HSD17B12: variants seen among roughly 807,000 people sequenced by gnomAD.
HSD17B12 encodes the protein hydroxysteroid 17-beta dehydrogenase 12, also known as very-long-chain 3-oxoacyl-CoA reductase.
Under a neutral mutation model 39.3 loss-of-function variants are expected in HSD17B12, and 32 were observed. The observed-to-expected ratio is 0.81, with a 90% CI of 0.61 to 1.09. The LOEUF (loss-of-function observed/expected upper bound fraction) is 1.09. HSD17B12 is among the 50% of genes least tolerant of loss of function. The pLI is 0.00. For missense variants in HSD17B12, 342 were observed against 382.9 expected, an observed-to-expected ratio of 0.89 and a Z score of 0.89; for synonymous variants, 150 against 146.7, an observed-to-expected ratio of 1.02 and a Z score of -0.16.
chr11:43,690,394 A>ATTT (rs1565049772), intron 1 of HSD17B12, among the ~76,000 whole-genome samples: 12 of 23,562 alleles, frequency 5.1e-4, no homozygotes, highest in African/African-American at 8.0e-4. Flanking sequence ...ATATATATAT[A>ATTT]TATATATATA....
the HSD17B12 span, among the ~76,000 whole-genome samples, chr11:43,582,020 C>T: frequency 6.6e-6 from 1 of 152,156 alleles, no homozygotes; most frequent in Non-Finnish European, 1.5e-5. Context: ...TGAGGCGAGC[C>T]GCGGTGAATT....
chr11:43,784,622 G>A (rs1490532822), intron 3 of HSD17B12, among the ~76,000 whole-genome samples: 1 of 152,116 alleles, frequency 6.6e-6, no homozygotes, highest in Admixed American at 6.6e-5. Context: ...GTTTTCTGAT[G>A]AACCAGGGTG....
the HSD17B12 span, among the ~76,000 whole-genome samples, chr11:43,571,506 A>G: frequency 4.6e-5 from 7 of 152,178 alleles, no homozygotes; most frequent in Admixed American, 1.3e-4. Context: ...TGTGCCTTTT[A>G]TCAGCAAGGC....
At chr11:43,576,893 GGTCGGCGCTGTTGA>G in the HSD17B12 span, among the ~76,000 whole-genome samples, 1 of 152,184 alleles carries the variant, frequency 6.6e-6, no homozygotes, top group Non-Finnish European at 1.5e-5. Flanking sequence ...TCGCGTTATG[GGTCGGCGCTGTTGA>G]GCTCGGTTTT....
chr11:43,728,482 A>G (rs2134881588), intron 1 of HSD17B12, among the ~76,000 whole-genome samples: 1 of 152,290 alleles, frequency 6.6e-6, no homozygotes, highest in African/African-American at 2.4e-5. Flanking sequence ...TAAGTAAAAA[A>G]AAAAGAAAAG....
chr11:43,782,774 T>A (rs1950778677), intron 3 of HSD17B12, among the ~76,000 whole-genome samples: 1 of 152,116 alleles, frequency 6.6e-6, no homozygotes, highest in Non-Finnish European at 1.5e-5. Context: ...AATGTAGTCT[T>A]AAAGTATCTT....
intron 3 of HSD17B12, among the ~76,000 whole-genome samples, chr11:43,795,074 T>A (rs549929337): frequency 3.7e-4 from 57 of 152,296 alleles, no homozygotes; most frequent in Non-Finnish European, 6.2e-4. Context: ...GGCTGTGTTA[T>A]GTATATCTGG....
chr11:43,631,589 C>G, the HSD17B12 span, among the ~76,000 whole-genome samples: 5 of 142,336 alleles, frequency 3.5e-5, no homozygotes, highest in Non-Finnish European at 6.1e-5. Context: ...CTCTCTCTCT[C>G]TGTCTCTCTC....
At chr11:43,659,539 C>T in the HSD17B12 span, among the ~76,000 whole-genome samples, 1 of 152,094 alleles carries the variant, frequency 6.6e-6, no homozygotes, top group Admixed American at 6.6e-5. Context: ...TGGCTCCACC[C>T]CCCAGTTGAT....
the HSD17B12 span, among the ~76,000 whole-genome samples, chr11:43,629,141 T>C: frequency 6.6e-6 from 1 of 152,156 alleles, no homozygotes; most frequent in African/African-American, 2.4e-5. Flanking sequence ...GGTGATTATA[T>C]CTGAAGAAAC....
the HSD17B12 span, among the ~76,000 whole-genome samples, chr11:43,642,293 CTTAAA>C: frequency 5.3e-5 from 8 of 151,508 alleles, no homozygotes; most frequent in African/African-American, 1.7e-4. Context: ...TTAAGACCTA[CTTAAA>C]TTACTTAATT....
the HSD17B12 span, among the ~76,000 whole-genome samples, chr11:43,649,140 G>T: frequency 1.3e-5 from 2 of 151,812 alleles, no homozygotes; most frequent in East Asian, 1.9e-4. Flanking sequence ...TTAACCAAAG[G>T]TATTGATTAT....
chr11:43,718,050 C>A (rs1356002094), intron 1 of HSD17B12, among the ~76,000 whole-genome samples: 1 of 152,096 alleles, frequency 6.6e-6, no homozygotes, highest in Non-Finnish European at 1.5e-5. Flanking sequence ...AGCAATCCAC[C>A]CGCCTTGGCC....
intron 1 of HSD17B12, among the ~76,000 whole-genome samples, chr11:43,735,762 A>G (rs528456426): frequency 1.3e-5 from 2 of 152,346 alleles, no homozygotes; most frequent in East Asian, 1.9e-4. Context: ...TTTATAAAGA[A>G]AAGAGGTTTA....
At chr11:43,682,640 G>A (rs1333632301) in intron 1 of HSD17B12, among the ~76,000 whole-genome samples, 1 of 150,584 alleles carries the variant, frequency 6.6e-6, no homozygotes, top group Admixed American at 6.6e-5. Flanking sequence ...ATTCTTCATT[G>A]TTAGTTTTGG....
chr11:43,654,731 CT>C, the HSD17B12 span, among the ~76,000 whole-genome samples: 1 of 152,208 alleles, frequency 6.6e-6, no homozygotes, highest in Admixed American at 6.5e-5. Flanking sequence ...TTTCTGAGGG[CT>C]CTGTTCTGTT....
the HSD17B12 span, among the ~76,000 whole-genome samples, chr11:43,580,113 C>G: frequency 6.6e-6 from 1 of 150,448 alleles, no homozygotes; most frequent in Admixed American, 6.6e-5. Flanking sequence ...TGGCGCTGCA[C>G]TGCGAAGAAG....
intron 3 of HSD17B12, among the ~76,000 whole-genome samples, chr11:43,776,116 T>A (rs1950701054): frequency 6.6e-6 from 1 of 152,180 alleles, no homozygotes. Flanking sequence ...TTTGGGTATA[T>A]ACACAGTAAT....
At chr11:43,685,743 T>C (rs1949792011) in intron 1 of HSD17B12, among the ~76,000 whole-genome samples, 1 of 152,234 alleles carries the variant, frequency 6.6e-6, no homozygotes, top group Non-Finnish European at 1.5e-5. Context: ...ACAGACTGGA[T>C]GAGTACTCGG....
Sources: allele counts gnomAD v4.1 joint callset (sites outside exome capture counted in the v4.1 genomes callset), GRCh38; gene constraint gnomAD v4.1.1; transcripts MANE v1.5; gene names NCBI Gene and HGNC (gene_info 2026-07-23, HGNC 2026-07-21).